Variants in CNTN4 observed in about 807,000 individuals in gnomAD.
CNTN4 encodes the protein contactin-4.
Under a neutral mutation model 122.5 loss-of-function variants are expected in CNTN4, and 77 were observed. That is an observed-to-expected ratio of 0.63 (90% confidence interval 0.52 to 0.76). CNTN4 has a LOEUF of 0.76. Among genes scored for constraint, CNTN4 ranks in the 30% least tolerant of loss-of-function variants. The pLI is 0.00. For missense variants in CNTN4, 1,256 were observed against 1,259.1 expected, an observed-to-expected ratio of 1.00 and a Z score of 0.04; for synonymous variants, 512 against 447.0, an observed-to-expected ratio of 1.15 and a Z score of -1.83.
At chr3:2,227,428 G>A (rs1200622273) in intron 2 of CNTN4, among the ~76,000 whole-genome samples, 1 of 152,144 alleles carries the variant, frequency 6.6e-6, no homozygotes, top group African/African-American at 2.4e-5. Context: ...CTGACTAATA[G>A]TTAGTGTCCT....
intron 13 of CNTN4, among the ~76,000 whole-genome samples, chr3:2,929,568 C>G (rs1285589997): frequency 1.3e-5 from 2 of 152,186 alleles, no homozygotes; most frequent in Non-Finnish European, 2.9e-5. Context: ...TGGATTGCAA[C>G]TGCAGGTATG....
intron 4 of CNTN4, among the ~76,000 whole-genome samples, chr3:2,580,349 A>G (rs975782632): frequency 2.6e-5 from 4 of 152,166 alleles, no homozygotes; most frequent in African/African-American, 9.7e-5. Context: ...AGGTGTCTAT[A>G]ATGGTACTTC....
intron 4 of CNTN4, among the ~76,000 whole-genome samples, chr3:2,677,684 T>G (rs993225054): frequency 2.0e-5 from 3 of 152,122 alleles, no homozygotes; most frequent in Middle Eastern, 3.2e-3. Flanking sequence ...TGACTTCAAA[T>G]TCCCAGCAGA....
chr3:2,377,259 A>G (rs2045856426), intron 3 of CNTN4, among the ~76,000 whole-genome samples: 1 of 152,158 alleles, frequency 6.6e-6, no homozygotes, highest in Non-Finnish European at 1.5e-5. Context: ...TAGTGTTTTC[A>G]GTAGCTCCTC....
At chr3:3,019,449 A>C (rs926156584) in intron 14 of CNTN4, among the ~76,000 whole-genome samples, 9 of 151,768 alleles carry the variant, frequency 5.9e-5, no homozygotes, top group Non-Finnish European at 1.2e-4. Flanking sequence ...GGTGTACCAC[A>C]CTCAACTAGT....
chr3:2,191,709 T>TATACACACAC (rs1553599242), intron 2 of CNTN4, among the ~76,000 whole-genome samples: 13 of 150,836 alleles, frequency 8.6e-5, no homozygotes, highest in African/African-American at 2.9e-4. Flanking sequence ...TATATATATA[T>TATACACACAC]ACACACACAC....
chr3:2,840,471 C>CAA (rs2093333165), intron 7 of CNTN4, among the ~76,000 whole-genome samples: 1 of 147,984 alleles, frequency 6.8e-6, no homozygotes, highest in African/African-American at 2.5e-5. Flanking sequence ...GAGGCCGAGG[C>CAA]GGGCGGATCA....
intron 2 of CNTN4, among the ~76,000 whole-genome samples, chr3:2,230,712 C>T (rs1040451449): frequency 6.6e-6 from 1 of 152,048 alleles, no homozygotes; most frequent in African/African-American, 2.4e-5. Flanking sequence ...GGGATGGGTG[C>T]GGTGGCTCAC....
chr3:2,414,036 C>A (rs2047323337), intron 3 of CNTN4, among the ~76,000 whole-genome samples: 1 of 152,124 alleles, frequency 6.6e-6, no homozygotes. Context: ...AGAGCTAAAC[C>A]TCCATCACCC....
At chr3:2,265,945 T>C (rs1370912462) in intron 2 of CNTN4, among the ~76,000 whole-genome samples, 1 of 152,138 alleles carries the variant, frequency 6.6e-6, no homozygotes, top group Non-Finnish European at 1.5e-5. Context: ...TGAATTTGTG[T>C]ATCAGATTTA....
At chr3:2,540,191 G>T (rs1451347914) in intron 3 of CNTN4, among the ~76,000 whole-genome samples, 3 of 151,962 alleles carry the variant, frequency 2.0e-5, no homozygotes, top group African/African-American at 7.2e-5. Flanking sequence ...ACTAGCCATA[G>T]AATTTATTTG....
chr3:3,007,754 G>C (rs931241407), intron 14 of CNTN4, among the ~76,000 whole-genome samples: 1 of 152,214 alleles, frequency 6.6e-6, no homozygotes, highest in African/African-American at 2.4e-5. Context: ...CAAGATAAAA[G>C]TAGGGTATGC....
chr3:3,002,037 A>C lies in CNTN4; in HGVS notation c.1486+13565A>C, dbSNP rs533010389. ...AGGTTGTCACCTTTCACCAGGAAAC[A>C]AATTAGCCCTGTCTTTAAAAAGACT... On this transcript the variant is annotated intron_variant, in intron 14 of 24. Coordinates refer to ENST00000418658, the MANE Select transcript of CNTN4 (RefSeq NM_175607.3). 2.6e-4 allele frequency among the ~76,000 whole-genome samples: 40 copies of C among 152,336 alleles called. No homozygotes were observed. In the South Asian group the frequency reaches 8.3e-3, roughly 32 times the overall value.
chr3:2,797,215 G>A (rs181850048), intron 6 of CNTN4, among the ~76,000 whole-genome samples: 23 of 152,192 alleles, frequency 1.5e-4, no homozygotes, highest in Middle Eastern at 3.4e-3. Flanking sequence ...TGTCCAGGCT[G>A]GTCTTGAATT....
chr3:2,197,787 A>G (rs565699318), intron 2 of CNTN4, among the ~76,000 whole-genome samples: 1 of 152,144 alleles, frequency 6.6e-6, no homozygotes, highest in Non-Finnish European at 1.5e-5. Flanking sequence ...AGGCTGAGGC[A>G]GTTGGATCAC....
chr3:2,952,440 A>C (rs926611380), intron 13 of CNTN4, among the ~76,000 whole-genome samples: 9 of 152,204 alleles, frequency 5.9e-5, no homozygotes, highest in East Asian at 1.9e-4. Flanking sequence ...TTCTGCTCAG[A>C]TTTCATTAGA....
chr3:2,919,745 G>A (rs1044741645), intron 12 of CNTN4, among the ~76,000 whole-genome samples: 2 of 152,186 alleles, frequency 1.3e-5, no homozygotes, highest in Non-Finnish European at 2.9e-5. Context: ...ATTACAGAGT[G>A]TTTAAAATGC....
rs182963521 is a variant in CNTN4 at position 2,521,538 on chromosome 3, T to G, written c.-88-49878T>G. On this transcript the variant is annotated intron_variant, in intron 3 of 24. Coordinates refer to ENST00000418658, the MANE Select transcript of CNTN4 (RefSeq NM_175607.3). ...TGTGAGGAAGGAAGCATTTTGAGCT[T>G]TTTTGAACAAGTTTTACAACTGCAA... 2.0e-5 allele frequency among the ~76,000 whole-genome samples: 3 copies of G among 152,236 alleles called. No homozygotes were observed. In the East Asian group the frequency reaches 5.8e-4, roughly 29 times the overall value.
intron 7 of CNTN4, among the ~76,000 whole-genome samples, chr3:2,830,387 A>G (rs2093078463): frequency 6.6e-6 from 1 of 152,232 alleles, no homozygotes; most frequent in Non-Finnish European, 1.5e-5. Context: ...TAGTACCGAA[A>G]GGAAATAATG....
Sources: gnomAD v4.1 joint callset for allele counts (sites outside exome capture counted in the v4.1 genomes callset) on GRCh38, gnomAD v4.1.1 for gene constraint, MANE v1.5 for transcripts, NCBI Gene and HGNC (gene_info 2026-07-23, HGNC 2026-07-21) for gene names.